Variants in GNAQ observed in about 807,000 individuals in gnomAD.
GNAQ encodes the protein guanine nucleotide-binding protein G(q) subunit alpha.
In GNAQ, 8 loss-of-function variants were observed where a neutral mutation model predicts 43.9. The ratio of observed to expected loss-of-function variants is 0.18; its 90% CI spans 0.11 to 0.33. The LOEUF (loss-of-function observed/expected upper bound fraction) is 0.33, where lower values mean the gene tolerates loss of function less well. Among genes scored for constraint, GNAQ ranks in the 10% least tolerant of loss-of-function variants. GNAQ has a pLI of 1.00. For synonymous variants in GNAQ, 155 were observed against 170.7 expected, an observed-to-expected ratio of 0.91 and a Z score of 0.71; for missense variants, 158 against 450.8, an observed-to-expected ratio of 0.35 and a Z score of 5.88.
At chr9:77,778,581 A>G (rs971675797) in intron 5 of GNAQ, among the ~76,000 whole-genome samples, 1 of 151,964 alleles carries the variant, frequency 6.6e-6, no homozygotes, top group African/African-American at 2.4e-5. Context: ...TTATTGCAAT[A>G]TATCACTAAA....
chr9:77,877,120 T>C (rs896481065), intron 2 of GNAQ, among the ~76,000 whole-genome samples: 1 of 152,170 alleles, frequency 6.6e-6, no homozygotes, highest in Non-Finnish European at 1.5e-5. Flanking sequence ...GATTAGAAAG[T>C]CCTACGAATG....
At chr9:77,784,934 G>C (rs1459566090) in intron 5 of GNAQ, among the ~76,000 whole-genome samples, 2 of 152,174 alleles carry the variant, frequency 1.3e-5, no homozygotes, top group Non-Finnish European at 2.9e-5. Flanking sequence ...TTTAAAAGCT[G>C]ATCTACGCTG....
Position 77,718,050 on chromosome 9 carries a change from G to C in GNAQ, c.*3273C>G, listed in dbSNP as rs923709289. 2 of 232,776 alleles carry C rather than the reference G, an allele frequency of 8.6e-6. No homozygotes were observed. Among genetic ancestry groups the C allele is most frequent in the Non-Finnish European group, 1.7e-5 (2 of 117,816 alleles). The allele number at this position is 232,776 out of a possible 1,614,324, so 14.4% of individuals were successfully genotyped here. A position where few individuals can be genotyped will look rare whatever the true frequency, so the allele number is the denominator to read the frequency against. On this transcript the variant is annotated 3_prime_UTR_variant, in exon 7 of 7. Coordinates refer to ENST00000286548, the MANE Select transcript of GNAQ (RefSeq NM_002072.5). ...AGAACTGCCATGTCACGCAAAAAGG[G>C]AAAAATCATCTGTAAACTGGTACAC...
chr9:77,788,333 A>G (rs1169256359), intron 5 of GNAQ, among the ~76,000 whole-genome samples: 2 of 152,220 alleles, frequency 1.3e-5, no homozygotes, highest in African/African-American at 4.8e-5. Flanking sequence ...GTTTAAATAA[A>G]TGAAACAGAG....
intron 5 of GNAQ, among the ~76,000 whole-genome samples, chr9:77,730,328 G>T (rs557525880): frequency 6.6e-6 from 1 of 152,148 alleles, no homozygotes; most frequent in East Asian, 1.9e-4. Context: ...GCCTGCCTGC[G>T]GTAGGATGCT....
intron 1 of GNAQ, among the ~76,000 whole-genome samples, chr9:78,018,732 G>A (rs901674791): frequency 1.3e-4 from 19 of 151,976 alleles, no homozygotes; most frequent in Admixed American, 6.6e-5. Context: ...TATCTCAAGT[G>A]CTCTTATTTC....
At chr9:77,892,166 ATT>A (rs2118113666) in intron 2 of GNAQ, among the ~76,000 whole-genome samples, 1 of 152,178 alleles carries the variant, frequency 6.6e-6, no homozygotes, top group Admixed American at 6.5e-5. Context: ...TAGTGCATGG[ATT>A]TTGAGTCCAC....
intron 1 of GNAQ, among the ~76,000 whole-genome samples, chr9:77,986,198 T>C (rs1823433955): frequency 6.6e-6 from 1 of 152,190 alleles, no homozygotes; most frequent in Admixed American, 6.5e-5. Context: ...TCATACCTGC[T>C]GTTTACATAC....
chr9:77,975,292 C>CT (rs1222749249), intron 1 of GNAQ, among the ~76,000 whole-genome samples: 2 of 152,164 alleles, frequency 1.3e-5, no homozygotes, highest in Non-Finnish European at 2.9e-5. Context: ...TAGCAATTCT[C>CT]TAACTCACCA....
At chr9:77,828,093 A>AAAAAAAAAAAAAAAAAAAG (rs1827233806) in intron 2 of GNAQ, among the ~76,000 whole-genome samples, 1 of 144,282 alleles carries the variant, frequency 6.9e-6, no homozygotes, top group East Asian at 2.0e-4. Flanking sequence ...AAAAAAAAAA[A>AAAAAAAAAAAAAAAAAAAG]GAAGGGGCAG....
chr9:77,922,236 G>A lies in GNAQ; in HGVS notation c.246C>T (p.Asn82=). The A allele has an allele frequency of 6.2e-7, 1 of 1,613,434 alleles. No individual in the cohort carries two copies. The part of the protein sequence containing the change: ...KRGFTKLVYQ[N]IFTAMQAMIR... ...TCATGGCCTGCATGGCCGTGAAGAT[G>A]TTCTGATACACCAGCTTGGTGAAGC... The change falls in exon 2 of 7, where the codon AAC becomes AAT. Residue 82 remains asparagine (N), a synonymous_variant. Transcript: ENST00000286548.
intron 1 of GNAQ, among the ~76,000 whole-genome samples, chr9:77,946,549 T>C (rs1281790386): frequency 6.6e-6 from 1 of 152,154 alleles, no homozygotes; most frequent in Non-Finnish European, 1.5e-5. Flanking sequence ...GTGCAAAACC[T>C]GGGCGTATGA....
At chr9:77,797,497 G>T (rs2118454668) in intron 4 of GNAQ, 23 bp downstream of exon 4, 1 of 1,596,176 alleles carries the variant, frequency 6.3e-7, no homozygotes, top group Non-Finnish European at 8.6e-7. Flanking sequence ...CTGGGAAATA[G>T]GTTTCATGGA....
intron 2 of GNAQ, among the ~76,000 whole-genome samples, chr9:77,830,246 G>T (rs1827275961): frequency 1.3e-5 from 2 of 152,246 alleles, no homozygotes; most frequent in South Asian, 4.1e-4. Flanking sequence ...AGCCACTGTG[G>T]TTGGCCTGGC....
intron 1 of GNAQ, among the ~76,000 whole-genome samples, chr9:77,947,108 C>T (rs1822913975): frequency 6.6e-6 from 1 of 152,226 alleles, no homozygotes; most frequent in South Asian, 2.1e-4. Context: ...GGCAAAACCT[C>T]CCCCATTCTT....
At chr9:77,787,139 TA>T (rs959829307) in intron 5 of GNAQ, among the ~76,000 whole-genome samples, 32 of 152,296 alleles carry the variant, frequency 2.1e-4, no homozygotes, top group African/African-American at 5.8e-4. Context: ...TACGCAAGGT[TA>T]AAAAAATACA....
chr9:78,004,906 C>G (rs567384141), intron 1 of GNAQ, among the ~76,000 whole-genome samples: 19 of 152,044 alleles, frequency 1.2e-4, no homozygotes, highest in African/African-American at 4.6e-4. Context: ...TTTGGCTAAA[C>G]TGTCAAATAC....
intron 2 of GNAQ, among the ~76,000 whole-genome samples, chr9:77,884,607 T>C (rs1828271771): frequency 6.6e-6 from 1 of 152,256 alleles, no homozygotes; most frequent in South Asian, 2.1e-4. Flanking sequence ...CCCCTCAAAC[T>C]GAAGCTAAAA....
At chr9:77,869,310 C>T (rs531426318) in intron 2 of GNAQ, among the ~76,000 whole-genome samples, 13 of 152,134 alleles carry the variant, frequency 8.5e-5, no homozygotes, top group South Asian at 2.1e-4. Flanking sequence ...GAGCCATTTT[C>T]ATTTCAGTGG....
Sources: allele counts gnomAD v4.1 joint callset (sites outside exome capture counted in the v4.1 genomes callset), GRCh38; gene constraint gnomAD v4.1.1; transcripts MANE v1.5; gene names NCBI Gene and HGNC (gene_info 2026-07-23, HGNC 2026-07-21).